Variants in LPO observed in about 807,000 individuals in gnomAD.
The protein encoded by LPO is lactoperoxidase.
A neutral mutation model predicts 68.4 loss-of-function variants in LPO; 70 were observed. The observed-to-expected ratio is 1.02, with a 90% confidence interval of 0.84 to 1.25. The LOEUF is 1.25. Ranked by LOEUF, LPO falls within the 50% of genes most tolerant of loss-of-function variation. LPO has a pLI of 0.00. For missense variants in LPO, 873 were observed against 908.4 expected, an observed-to-expected ratio of 0.96 and a Z score of 0.50; for synonymous variants, 360 against 357.6, an observed-to-expected ratio of 1.01 and a Z score of -0.08.
chr17:58,266,320 C>T lies in LPO; in HGVS notation c.1687C>T (p.Gln563Ter). 6.2e-7 allele frequency: 1 copy of T among 1,613,986 alleles called. No homozygotes were observed. The highest frequency in any genetic ancestry group is 8.5e-7 in the Non-Finnish European group (1 of 1,180,004). Residue 563 changes from glutamine to a stop codon, truncating the protein, a stop_gained, in exon 11 of 13, where the codon CAA becomes TAA. Transcript: ENST00000262290. LOFTEE classifies it high-confidence loss of function. ...CACACAGCGTTGCCGGGACCATGGG[C>T]AACCTGGTGAGTGTCTGAAGTCTGG... ...INTQRCRDHG[Q>*]PGYNSWRAFC...
intron 7 of LPO, chr17:58,251,961 A>G: frequency 1.1e-5 from 8 of 749,612 alleles, no homozygotes; most frequent in South Asian, 9.5e-5. Flanking sequence ...GGACTGAATG[A>G]TTACCCTCAG....
chr17:58,249,714 G>A lies in LPO; in HGVS notation c.573+19G>A, dbSNP rs752305226. On this transcript the variant is annotated intron_variant, in intron 6 of 12. Transcript: ENST00000262290. ...CCCGCTGGTGAGGGCAGGCCGGGCC[G>A]GGGTGAAGGATGGGAGCCAGAGGGG... The A allele has an allele frequency of 5.8e-6, 9 of 1,546,848 alleles. No individual in the cohort carries two copies. In the South Asian group the frequency reaches 8.2e-5, roughly 14 times the overall value.
chr17:58,265,036 A>G, intron 10 of LPO, 62 bp downstream of exon 10: 1 of 1,590,666 alleles, frequency 6.3e-7, no homozygotes, highest in Non-Finnish European at 8.6e-7. Flanking sequence ...ATTGTAGGGA[A>G]ACTTGGGTTG....
At chr17:58,248,453 T>C (rs1238654420) in intron 4 of LPO, among the ~76,000 whole-genome samples, 4 of 151,952 alleles carry the variant, frequency 2.6e-5, no homozygotes, top group Non-Finnish European at 5.9e-5. Context: ...TCCCTGCCCT[T>C]GCAGACGCCA....
At chr17:58,254,751 A>G in intron 8 of LPO, 60 bp from the exon 9 acceptor site, 7 of 1,566,072 alleles carry the variant, frequency 4.5e-6, no homozygotes, top group Non-Finnish European at 6.1e-6. Flanking sequence ...TTCTTTGTGC[A>G]GGTTACTGGG....
intron 10 of LPO, 151 bp downstream of exon 10, chr17:58,265,125 AAATGGGGACAAT>A: frequency 9.7e-7 from 1 of 1,032,120 alleles, no homozygotes; most frequent in East Asian, 2.6e-5. Context: ...CTCATTTATA[AAATGGGGACAAT>A]AATAGTACCC....
In LPO at chr17:58,268,198, T is replaced by G. The variant is rs977659358; in HGVS notation, c.*204T>G. ...GCTCTTACACTCAGCTCCAGTGGCT[T>G]CTCCTTTCTGTCAAGACTTAGCCCC... On this transcript the variant is annotated 3_prime_UTR_variant, in exon 13 of 13. Coordinates refer to ENST00000262290, the MANE Select transcript of LPO (RefSeq NM_006151.3). 8 of 586,182 alleles carry G rather than the reference T, an allele frequency of 1.4e-5. No homozygotes were observed. Among genetic ancestry groups the G allele is most frequent in the African/African-American group, 9.4e-5 (5 of 53,466 alleles). 36.3% of individuals were successfully genotyped at this position (586,182 alleles called of 1,614,324 possible).
chr17:58,258,553 A>G (rs1567821529), intron 9 of LPO, among the ~76,000 whole-genome samples: 1 of 152,196 alleles, frequency 6.6e-6, no homozygotes, highest in African/African-American at 2.4e-5. Context: ...GCTCTGTACT[A>G]TAACTTGAAG....
intron 3 of LPO, 45 bp downstream of exon 3, chr17:58,244,126 CA>C (rs752989538): frequency 2.2e-6 from 3 of 1,337,382 alleles, no homozygotes; most frequent in South Asian, 2.5e-5. Context: ...CACACACACA[CA>C]CACACTTCCC....
chr17:58,265,573 C>CTTTTTTT, intron 10 of LPO, among the ~76,000 whole-genome samples: 1 of 85,224 alleles, frequency 1.2e-5, no homozygotes, highest in Non-Finnish European at 2.1e-5. Flanking sequence ...TTAAAAATAC[C>CTTTTTTT]TTTTTTTTTT....
intron 7 of LPO, chr17:58,250,958 A>T (rs1232095782): frequency 6.6e-6 from 2 of 304,268 alleles, no homozygotes; most frequent in Non-Finnish European, 1.3e-5. Context: ...CCGACCCAGC[A>T]GCATTGGTAA....
Position 58,264,817 on chromosome 17 carries a change from C to A in LPO, c.1362C>A (p.Pro454=), listed in dbSNP as rs756636944. 4 of 1,614,242 alleles carry A rather than the reference C, an allele frequency of 2.5e-6. No individual in the cohort carries two copies. The South Asian group carries it at 4.4e-5, about 18-fold the overall frequency. The change falls in exon 10 of 13, where the codon CCC becomes CCA. Residue 454 remains proline, a synonymous_variant. Transcript: ENST00000262290. The part of the protein sequence containing the change: ...PYQGYSESVD[P]RISNVFTFAF... ...AAGGCTACAGTGAATCTGTGGATCC[C>A]AGAATTTCCAATGTCTTCACCTTCG... is the stretch of plus-strand genomic sequence containing the variant.
At chr17:58,248,164 C>T (rs1381658095) in intron 4 of LPO, among the ~76,000 whole-genome samples, 1 of 152,114 alleles carries the variant, frequency 6.6e-6, no homozygotes, top group Non-Finnish European at 1.5e-5. Context: ...CTCTCACCCC[C>T]AACCAAATGC....
chr17:58,254,157 A>ATAGAT (rs1445723336), intron 8 of LPO, among the ~76,000 whole-genome samples: 2 of 143,130 alleles, frequency 1.4e-5, no homozygotes, highest in Non-Finnish European at 3.1e-5. Flanking sequence ...AGATATATAG[A>ATAGAT]TAGATAGATA....
intron 3 of LPO, among the ~76,000 whole-genome samples, chr17:58,245,514 C>T (rs1969836622): frequency 6.6e-6 from 1 of 152,164 alleles, no homozygotes; most frequent in African/African-American, 2.4e-5. Flanking sequence ...CACCCCTCCC[C>T]ACCCTGTCTT....
intron 3 of LPO, among the ~76,000 whole-genome samples, chr17:58,246,634 C>T (rs1325053281): frequency 6.6e-6 from 1 of 152,146 alleles, no homozygotes; most frequent in East Asian, 1.9e-4. Context: ...ACAGGCTAAG[C>T]CCAGGGAGGC....
chr17:58,242,468 G>C (rs1598018378), intron 1 of LPO, among the ~76,000 whole-genome samples: 2 of 152,226 alleles, frequency 1.3e-5, no homozygotes, highest in South Asian at 4.1e-4. Flanking sequence ...GGCTGGGCCA[G>C]AGGAAACTGG....
rs1970005967 is a variant in LPO at position 58,253,627 on chromosome 17, A to T, written c.1105+1121A>T. Among the ~76,000 whole-genome samples, 3 of 152,130 alleles carry T rather than the reference A, an allele frequency of 2.0e-5. 1 individual carries two copies. Among genetic ancestry groups the T allele is most frequent in the Admixed American group, 2.0e-4 (3 of 15,284 alleles). The stretch of plus-strand genomic sequence containing the variant: ...CTTCTAGAGGCCATCCCACCCTCAA[A>T]CATCCTCTCTCTTTGGACAAACCCC... On this transcript the variant is annotated intron_variant, in intron 8 of 12. Transcript: ENST00000262290.
At chr17:58,243,348 C>G in intron 2 of LPO, 1 of 363,380 alleles carries the variant, frequency 2.8e-6, no homozygotes, top group Non-Finnish European at 5.0e-6. Flanking sequence ...CTCCTCTTCT[C>G]ATAAAACCAC....
Sources: gnomAD v4.1 joint callset for allele counts (sites outside exome capture counted in the v4.1 genomes callset) on GRCh38, gnomAD v4.1.1 for gene constraint, MANE v1.5 for transcripts, NCBI Gene and HGNC (gene_info 2026-07-23, HGNC 2026-07-21) for gene names.